The following RABL6 variants were observed in gnomAD, a reference collection of about 807,000 sequenced individuals.
RABL6 encodes the protein rab-like protein 6.
Under a neutral mutation model 72.9 loss-of-function variants are expected in RABL6, and 28 were observed. That is an observed-to-expected ratio of 0.38 (90% CI 0.28 to 0.53). The LOEUF (loss-of-function observed/expected upper bound fraction) is 0.53, where lower values mean the gene tolerates loss of function less well. Among genes scored for constraint, RABL6 ranks in the 20% least tolerant of loss-of-function variants. The pLI is 0.80. For synonymous variants in RABL6, 477 were observed against 421.2 expected, an observed-to-expected ratio of 1.13 and a Z score of -1.62; for missense variants, 1,029 against 1,008.4, an observed-to-expected ratio of 1.02 and a Z score of -0.28.
chr9:136,810,535 TC>T (rs1463345354), intron 1 of RABL6, among the ~76,000 whole-genome samples: 6 of 152,210 alleles, frequency 3.9e-5, no homozygotes, highest in African/African-American at 1.4e-4. Context: ...GTATTTCTTT[TC>T]TTTTCTTTTC....
rs11537628 is a variant in RABL6 at position 136,840,900 on chromosome 9, C to T, written c.*378C>T. ...TGTGGGGTGTGCGCTGCCCCGGCAC[C>T]TGCTTGCCCTCCGCGCTCATCTGGG... On this transcript the variant is annotated 3_prime_UTR_variant, in exon 15 of 15. Transcript: ENST00000311502. 2 of 1,504,124 alleles carry T rather than the reference C, an allele frequency of 1.3e-6. No individual in the cohort carries two copies. Among genetic ancestry groups the T allele is most frequent in the Non-Finnish European group, 8.9e-7 (1 of 1,121,784 alleles). 93.2% of individuals were successfully genotyped at this position (1,504,124 alleles called of 1,614,324 possible).
At position 136,832,273 on chromosome 9, in the gene RABL6, G is replaced by C; in HGVS notation, c.608G>C (p.Gly203Ala). 1 of 1,613,712 alleles carries C rather than the reference G, an allele frequency of 6.2e-7. No individual in the cohort carries two copies. The highest frequency in any genetic ancestry group is 8.5e-7 in the Non-Finnish European group (1 of 1,179,720). Reference sequence around the variant, plus strand: ...TTCCTTTCTGAAAGCAGACCTCCAGGTTCCTCCTACTTCCGCTATGCTGAG... The same window carrying C: ...TTCCTTTCTGAAAGCAGACCTCCAGCTTCCTCCTACTTCCGCTATGCTGAG... ...DFIDNLDRPP[G>A]SSYFRYAESS... Residue 203 changes from glycine to alanine, a missense_variant, in exon 7 of 15, where the codon GGT (glycine) becomes GCT (alanine). Gly to Ala is a moderately conservative substitution (Grantham distance 60). Coordinates refer to ENST00000311502, the MANE Select transcript of RABL6 (RefSeq NM_024718.5).
chr9:136,834,258 A>G (rs1848542749), intron 7 of RABL6: 1 of 1,106,060 alleles, frequency 9.0e-7, no homozygotes, highest in South Asian at 4.3e-5. Flanking sequence ...CTAATGTAAT[A>G]CCGCATGTTA....
At chr9:136,813,465 T>C in intron 1 of RABL6, 1 of 535,184 alleles carries the variant, frequency 1.9e-6, no homozygotes, top group South Asian at 2.0e-5. Flanking sequence ...CTCTCCATGA[T>C]AGTGCAGGGA....
intron 1 of RABL6, among the ~76,000 whole-genome samples, chr9:136,817,655 G>A (rs116741924): frequency 0.013 from 1,979 of 151,308 alleles, 49 homozygotes; most frequent in African/African-American, 0.046. Flanking sequence ...CGTGTGACTG[G>A]CTCCACTTCT....
At chr9:136,839,557 G>A (rs1848649496) in intron 12 of RABL6, 71 bp downstream of exon 12, 5 of 1,559,936 alleles carry the variant, frequency 3.2e-6, no homozygotes, top group Non-Finnish European at 4.3e-6. Context: ...TGATCTGGGT[G>A]GGTGCAGTGG....
chr9:136,832,088 T>A, intron 6 of RABL6, 177 bp from the exon 7 acceptor site: 1 of 878,346 alleles, frequency 1.1e-6, no homozygotes. Context: ...CACTGTGGGG[T>A]CACCTGCAGA....
intron 2 of RABL6, 79 bp from the exon 3 acceptor site, chr9:136,825,700 A>T (rs972206056): frequency 1.9e-5 from 29 of 1,498,292 alleles, no homozygotes; most frequent in Non-Finnish European, 2.6e-5. Flanking sequence ...GGGCACAGAC[A>T]ACCACACCAG....
chr9:136,833,274 C>G, intron 7 of RABL6: 1 of 285,532 alleles, frequency 3.5e-6, no homozygotes, highest in South Asian at 2.5e-5. Context: ...CCAGCTGGGT[C>G]TGGGGGACCT....
chr9:136,813,955 T>G, intron 1 of RABL6: 1 of 384,958 alleles, frequency 2.6e-6, no homozygotes, highest in Non-Finnish European at 5.1e-6. Flanking sequence ...AGTGACTTTG[T>G]AAGGGAGATT....
chr9:136,839,404 G>A lies in RABL6; in HGVS notation c.1676G>A (p.Gly559Glu), dbSNP rs1183158476. The A allele has an allele frequency of 6.2e-7, 1 of 1,612,454 alleles. No individual in the cohort carries two copies. The highest frequency in any genetic ancestry group is 8.5e-7 in the Non-Finnish European group (1 of 1,179,702). Residue 559 changes from glycine to glutamate, a missense_variant, in exon 12 of 15, where the codon GGA becomes GAA. By Grantham distance (98) the Gly-to-Glu change is moderately conservative. Around this residue, in one of 2 missense-constraint regions of RABL6, gnomAD observed 595 missense variants for 472.4 expected, o/e 1.26. Coordinates refer to ENST00000311502, the MANE Select transcript of RABL6 (RefSeq NM_024718.5). ...QASSSESDPE[G>E]PIAAQMLSFV... ...TCCTCGTCGGAGAGTGACCCCGAGG[G>A]ACCCATTGCTGCACAAATGCTGTCC... is the stretch of plus-strand genomic sequence containing the variant.
chr9:136,825,286 G>C (rs371053725), intron 2 of RABL6, among the ~76,000 whole-genome samples: 24 of 152,272 alleles, frequency 1.6e-4, no homozygotes, highest in East Asian at 1.5e-3. Context: ...GGTGACACAG[G>C]CGGGCCCATT....
chr9:136,808,107 G>GGGCCGC lies in RABL6; in HGVS notation c.-89_-84dup. ...CCGGCTCCGGCCTCCGGGGGGGCCG[G>GGGCCGC]GGCCGCCGGGACATGGTGCCAGTCG... On this transcript the variant is annotated 5_prime_UTR_variant, in exon 1 of 15. Transcript: ENST00000311502. The GGGCCGC allele has an allele frequency of 7.6e-7, 1 of 1,308,590 alleles. No individual in the cohort carries two copies. Among genetic ancestry groups the GGGCCGC allele is most frequent in the Non-Finnish European group, 9.8e-7 (1 of 1,015,710 alleles). 81.1% of individuals were successfully genotyped at this position (1,308,590 alleles called of 1,614,324 possible).
Position 136,839,409 on chromosome 9 carries a change from A to C in RABL6, c.1681A>C (p.Ile561Leu). 2 of 1,612,538 alleles carry C rather than the reference A, an allele frequency of 1.2e-6. No individual in the cohort carries two copies. Among genetic ancestry groups the C allele is most frequent in the Non-Finnish European group, 1.7e-6 (2 of 1,179,728 alleles). The change falls in exon 12 of 15, where the codon ATT becomes CTT. Residue 561 changes from isoleucine (I) to leucine (L), a missense_variant. By Grantham distance (5) the Ile-to-Leu change is conservative (BLOSUM62 2). Around this residue, in one of 2 missense-constraint regions of RABL6, gnomAD observed 595 missense variants for 472.4 expected, o/e 1.26. Coordinates refer to ENST00000311502, the MANE Select transcript of RABL6 (RefSeq NM_024718.5). ...GTCGGAGAGTGACCCCGAGGGACCC[A>C]TTGCTGCACAAATGCTGTCCTTCGT... is the stretch of plus-strand genomic sequence containing the variant. ...SSSESDPEGPIAAQMLSFVMD... is the reference protein window; with the variant it reads ...SSSESDPEGPLAAQMLSFVMD...
rs1848028113 is a variant in RABL6, at chr9:136,812,299, C to T, written c.130+3973C>T. On this transcript the variant is annotated intron_variant, in intron 1 of 14. Transcript: ENST00000311502. ...AGCAGGCCGGGCACGGTGGCTCACA[C>T]CTGTAATCCCAGCACTTTGGGAGGC... 2.0e-5 allele frequency among the ~76,000 whole-genome samples: 3 copies of T among 152,226 alleles called. 1 individual carries two copies. In the South Asian group the frequency reaches 6.2e-4, roughly 32 times the overall value.
At chr9:136,821,250 G>T in intron 1 of RABL6, 1 of 890,308 alleles carries the variant, frequency 1.1e-6, no homozygotes, top group Non-Finnish European at 1.3e-6. Context: ...ACCAAGGGAC[G>T]TCAGCGCGTT....
At chr9:136,832,049 G>C (rs1373629720) in intron 6 of RABL6, 188 bp downstream of exon 6, 8 of 1,025,836 alleles carry the variant, frequency 7.8e-6, no homozygotes, top group East Asian at 2.6e-5. Flanking sequence ...CTGTGTGCTG[G>C]GGAACTGTGT....
intron 1 of RABL6, among the ~76,000 whole-genome samples, chr9:136,818,542 G>A (rs868343374): frequency 2.0e-5 from 3 of 151,774 alleles, no homozygotes; most frequent in African/African-American, 7.3e-5. Context: ...AGGAGTTCAC[G>A]ACCAGCCTGG....
intron 12 of RABL6, 103 bp downstream of exon 12, chr9:136,839,589 A>C: frequency 6.5e-7 from 1 of 1,550,290 alleles, no homozygotes; most frequent in Non-Finnish European, 8.7e-7. Flanking sequence ...TGGAAGAGGC[A>C]TCTCATGTCC....
Sources: gnomAD v4.1 joint callset for allele counts (sites outside exome capture counted in the v4.1 genomes callset) on GRCh38, gnomAD v4.1.1 for gene constraint, gnomAD v4.1.1 regional missense constraint, MANE v1.5 for transcripts, NCBI Gene and HGNC (gene_info 2026-07-23, HGNC 2026-07-21) for gene names.